The following B4GALT3 variants were observed in gnomAD, a reference collection of about 807,000 sequenced individuals.
B4GALT3 encodes the protein beta-1,4-galactosyltransferase 3.
In B4GALT3, 29 loss-of-function variants were observed where a neutral mutation model predicts 40.7. The observed-to-expected ratio is 0.71, with a 90% CI of 0.53 to 0.97. The LOEUF is 0.97. Among genes scored for constraint, B4GALT3 ranks in the 50% least tolerant of loss-of-function variants. The pLI, the probability that B4GALT3 is intolerant of heterozygous loss-of-function variation, is 0.00. For missense variants in B4GALT3, 390 were observed against 522.3 expected (o/e 0.75, Z 2.47); for synonymous variants, 182 against 203.9 (o/e 0.89, Z 0.92).
At chr1:161,173,135 C>A (rs1034992077) in intron 6 of B4GALT3, among the ~76,000 whole-genome samples, 9 of 152,188 alleles carry the variant, frequency 5.9e-5, no homozygotes, top group African/African-American at 1.7e-4. Flanking sequence ...AATATTCATA[C>A]CACAGACATG....
At chr1:161,174,540 T>A (rs965697119) in intron 4 of B4GALT3, among the ~76,000 whole-genome samples, 3 of 152,268 alleles carry the variant, frequency 2.0e-5, no homozygotes, top group Non-Finnish European at 4.4e-5. Flanking sequence ...TGCTTGTGTA[T>A]TGGTATGGAC....
In B4GALT3 at chr1:161,171,812, G is replaced by A. The variant is rs1661533361; in HGVS notation, c.*4C>T. The A allele has an allele frequency of 6.2e-7, 1 of 1,613,778 alleles. No individual in the cohort carries two copies. Among genetic ancestry groups the A allele is most frequent in the African/African-American group, 1.3e-5 (1 of 74,928 alleles). Reference sequence around the variant, plus strand: ...TCATGATTAAGGTAGACAGGAAGGAGGAGTCAGTGTGAACCTCGGAGGGCT... The same window carrying A: ...TCATGATTAAGGTAGACAGGAAGGAAGAGTCAGTGTGAACCTCGGAGGGCT... On this transcript the variant is annotated 3_prime_UTR_variant, in exon 8 of 8. Coordinates refer to ENST00000319769, the MANE Select transcript of B4GALT3 (RefSeq NM_003779.4).
At position 161,171,912 on chromosome 1, in the gene B4GALT3, G is replaced by C; in HGVS notation, c.1086C>G (p.Ser362=). Residue 362 remains serine (S), a synonymous_variant, in exon 8 of 8, where the codon TCC becomes TCG. Coordinates refer to ENST00000319769, the MANE Select transcript of B4GALT3 (RefSeq NM_003779.4). ...GCAGCATCTCTTGACGGAAGGCTTG[G>C]GAGGAACCAGGTGGGTAACGTGGCC... is the stretch of plus-strand genomic sequence containing the variant. ...PSGPRYPPGS[S]QAFRQEMLQR... is the part of the protein sequence containing the mutation. 1 of 1,614,186 alleles carries C rather than the reference G, an allele frequency of 6.2e-7. No homozygotes were observed. Among genetic ancestry groups the C allele is most frequent in the Non-Finnish European group, 8.5e-7 (1 of 1,180,034 alleles).
At chr1:161,177,869 C>T (rs1664136067), upstream of B4GALT3, 1 of 152,290 alleles carries the variant, frequency 6.6e-6, no homozygotes, top group African/African-American at 2.4e-5. Context: ...GTGGCACCCC[C>T]TGCAGCCTAG....
Position 161,176,529 on chromosome 1 carries a change from G to A in B4GALT3, c.-110C>T. 2.4e-6 allele frequency: 1 copy of A among 420,310 alleles called. No homozygotes were observed. The highest frequency in any genetic ancestry group is 3.0e-5 in the South Asian group (1 of 33,342). 26.0% of individuals were successfully genotyped at this position (420,310 alleles called of 1,614,324 possible). On this transcript the variant is annotated 5_prime_UTR_variant, in exon 2 of 8. Transcript: ENST00000319769. The stretch of plus-strand genomic sequence containing the variant: ...ATTATCTAAAATTGGAAATGTCACA[G>A]AGGGCAGAGAAAGGCTCCATCCAGC...
chr1:161,177,148 A>G, intron 1 of B4GALT3: 1 of 1,429,780 alleles, frequency 7.0e-7, no homozygotes, highest in Non-Finnish European at 9.4e-7. Context: ...AGAGACAGTC[A>G]GGGGTGGCTG....
At position 161,171,993 on chromosome 1, in the gene B4GALT3, A is replaced by G; in HGVS notation, c.1005T>C (p.Tyr335=). 6.2e-7 allele frequency: 1 copy of G among 1,614,136 alleles called. No individual in the cohort carries two copies. The highest frequency in any genetic ancestry group is 8.5e-7 in the Non-Finnish European group (1 of 1,180,030). The change falls in exon 8 of 8, where the codon TAT becomes TAC. Residue 335 remains tyrosine (Y), a synonymous_variant. Coordinates refer to ENST00000319769, the MANE Select transcript of B4GALT3 (RefSeq NM_003779.4). ...QLLARELGPL[Y]TNITADIGTD... ...TCCCAATGTCTGCTGTGATGTTGGT[A>G]TAAAGAGGCCCCAGCTCTCGAGCCA...
chr1:161,173,774 AT>A, intron 5 of B4GALT3, 47 bp from the exon 6 acceptor site: 1 of 1,612,548 alleles, frequency 6.2e-7, no homozygotes, highest in Non-Finnish European at 8.5e-7. Flanking sequence ...CTGGGGACAC[AT>A]CCCCAACCAC....
chr1:161,173,122 C>T (rs1005294129), intron 6 of B4GALT3, among the ~76,000 whole-genome samples: 24 of 152,266 alleles, frequency 1.6e-4, no homozygotes, highest in Admixed American at 1.0e-3. Flanking sequence ...CATACCAAGC[C>T]CAAATATTCA....
Position 161,173,592 on chromosome 1 carries a change from C to A in B4GALT3, c.803+13G>T. On this transcript the variant is annotated intron_variant, in intron 6 of 7. Coordinates refer to ENST00000319769, the MANE Select transcript of B4GALT3 (RefSeq NM_003779.4). ...ACTGGGGTCAGGAGGGAGGAAGTGG[C>A]AGGAAGTCTGACCTGGTAGCAATGT... 6.2e-7 allele frequency: 1 copy of A among 1,613,440 alleles called. No homozygotes were observed. Among genetic ancestry groups the A allele is most frequent in the South Asian group, 1.1e-5 (1 of 91,050 alleles).
chr1:161,175,113 G>A lies in B4GALT3; in HGVS notation c.369C>T (p.Ser123=), dbSNP rs1216783669. 6.2e-7 allele frequency: 1 copy of A among 1,613,978 alleles called. No homozygotes were observed. Among genetic ancestry groups the A allele is most frequent in the Non-Finnish European group, 8.5e-7 (1 of 1,179,878 alleles). ...GATGAGGCACAATGATGGCTGTTCGGGAGCGGGGCTCACAACCTGCAGGGC... is the reference window on the plus strand; with the variant it reads ...GATGAGGCACAATGATGGCTGTTCGAGAGCGGGGCTCACAACCTGCAGGGC... ...RYRPAGCEPR[S]RTAIIVPHRA... is the part of the protein sequence containing the mutation. Residue 123 remains serine (S), a synonymous_variant, in exon 4 of 8, where the codon TCC becomes TCT. Transcript: ENST00000319769.
In B4GALT3 at chr1:161,171,336, A is replaced by G; in HGVS notation, c.*480T>C. The stretch of plus-strand genomic sequence containing the variant: ...GCGAGACAAAGTCCTTTATTAGAAA[A>G]TATATCAAAATCCCAGCCCCCTGAG... On this transcript the variant is annotated 3_prime_UTR_variant, in exon 8 of 8. Coordinates refer to ENST00000319769, the MANE Select transcript of B4GALT3 (RefSeq NM_003779.4). 1 of 1,228,832 alleles carries G rather than the reference A, an allele frequency of 8.1e-7. No individual in the cohort carries two copies. Among genetic ancestry groups the G allele is most frequent in the Non-Finnish European group, 1.1e-6 (1 of 870,804 alleles). The allele number at this position is 1,228,832 out of a possible 1,614,324, so 76.1% of individuals were successfully genotyped here.
chr1:161,171,475 CGAG>C lies in B4GALT3; in HGVS notation c.*338_*340del, dbSNP rs1558042508. On this transcript the variant is annotated 3_prime_UTR_variant, in exon 8 of 8. Transcript: ENST00000319769. Reference sequence around the variant, plus strand: ...AATAGAATAAATATTCACAGAGGTCCGAGGAGAAGCCAGATCACTCTTCTCTCC... The same window carrying C: ...AATAGAATAAATATTCACAGAGGTCCGAGAAGCCAGATCACTCTTCTCTCC... 1.0e-5 allele frequency: 6 copies of C among 587,460 alleles called. No homozygotes were observed. The highest frequency in any genetic ancestry group is 6.1e-5 in the South Asian group (3 of 49,266). 36.4% of individuals were successfully genotyped at this position (587,460 alleles called of 1,614,324 possible).
chr1:161,174,402 C>CAAAAAAAAA (rs554703903), intron 4 of B4GALT3, among the ~76,000 whole-genome samples: 3 of 55,732 alleles, frequency 5.4e-5, no homozygotes, highest in African/African-American at 6.6e-5. Flanking sequence ...AGTGAGATCT[C>CAAAAAAAAA]AAAAAAAAAA....
rs2101917366 is a variant in B4GALT3 at position 161,171,854 on chromosome 1, A to G, written c.1144T>C (p.Ser382Pro). 2 of 1,614,168 alleles carry G rather than the reference A, an allele frequency of 1.2e-6. No individual in the cohort carries two copies. The highest frequency in any genetic ancestry group is 1.7e-4 in the Middle Eastern group (1 of 6,060). ...RRPPARPGPL[S>P]TANHTALRGS... is the part of the protein sequence containing the mutation. Reference sequence around the variant, plus strand: ...CGGAGGGCTGTGTGGTTGGCAGTAGATAGAGGCCCAGGCCTGGCTGGGGGC... The same window carrying G: ...CGGAGGGCTGTGTGGTTGGCAGTAGGTAGAGGCCCAGGCCTGGCTGGGGGC... Residue 382 changes from serine to proline, a missense_variant, in exon 8 of 8, where the codon TCT becomes CCT. Physicochemically the swap from Ser to Pro is moderately conservative, Grantham distance 74. Around this residue, in one of 3 missense-constraint regions of B4GALT3, gnomAD observed 72 missense variants for 71.3 expected, o/e 1.01. Coordinates refer to ENST00000319769, the MANE Select transcript of B4GALT3 (RefSeq NM_003779.4).
chr1:161,175,949 A>G lies in B4GALT3; in HGVS notation c.112T>C (p.Phe38Leu). Residue 38 changes from phenylalanine to leucine, a missense_variant, in exon 3 of 8, where the codon TTT (phenylalanine) becomes CTT (leucine). This residue lies in a region of B4GALT3 where 183 missense variants were observed against 223.2 expected (regional missense o/e 0.82). Transcript: ENST00000319769. ...AATGTCGGTCCCTGATCTCGGCCAAATAGGGCACTGAGACTTCGGAAGCCC... is the reference window on the plus strand; with the variant it reads ...AATGTCGGTCCCTGATCTCGGCCAAGTAGGGCACTGAGACTTCGGAAGCCC... ...LGGFRSLSAL[F>L]GRDQGPTFDY... 6.2e-7 allele frequency: 1 copy of G among 1,614,118 alleles called. No individual in the cohort carries two copies. Among genetic ancestry groups the G allele is most frequent in the Non-Finnish European group, 8.5e-7 (1 of 1,180,002 alleles).
chr1:161,177,017 C>G (rs1571544826), intron 1 of B4GALT3: 4 of 1,534,810 alleles, frequency 2.6e-6, no homozygotes, highest in Non-Finnish European at 3.5e-6. Flanking sequence ...CGAACAGCCC[C>G]GGAGCTCGGC....
rs374576177 is a variant in B4GALT3, at chr1:161,172,347, G to A, written c.804-16C>T. The A allele has an allele frequency of 4.1e-5, 65 of 1,603,760 alleles. No individual in the cohort carries two copies. Among genetic ancestry groups the A allele is most frequent in the Non-Finnish European group, 5.4e-5 (63 of 1,172,532 alleles). ...CAGGCGCACCCTATGGGAAAAGTGA[G>A]GGTATCATGGGGGATCCAGAGTAGA... On this transcript the variant is annotated splice_polypyrimidine_tract_variant and intron_variant, in intron 6 of 7. Coordinates refer to ENST00000319769, the MANE Select transcript of B4GALT3 (RefSeq NM_003779.4).
rs776713363 is a variant in B4GALT3, at chr1:161,173,905, G to A, written c.634C>T (p.Arg212Trp). Residue 212 changes from arginine to tryptophan, a missense_variant, in exon 5 of 8, where the codon CGG becomes TGG. Transcript: ENST00000319769. ...NDHNLYVCDP[R>W]GPRHVAVAMN... Reference sequence around the variant, plus strand: ...GCAACGGCAACATGGCGGGGTCCCCGGGGGTCACACACATACAGATTGTGG... The same window carrying A: ...GCAACGGCAACATGGCGGGGTCCCCAGGGGTCACACACATACAGATTGTGG... 15 of 1,613,990 alleles carry A rather than the reference G, an allele frequency of 9.3e-6. No homozygotes were observed. Among genetic ancestry groups the A allele is most frequent in the Admixed American group, 5.0e-5 (3 of 59,998 alleles).
Sources: allele counts gnomAD v4.1 joint callset (sites outside exome capture counted in the v4.1 genomes callset), GRCh38; gene constraint gnomAD v4.1.1; regional missense constraint gnomAD v4.1.1; transcripts MANE v1.5; gene names NCBI Gene and HGNC (gene_info 2026-07-23, HGNC 2026-07-21).